RNASE1: variants seen among roughly 807,000 people sequenced by gnomAD.
RNASE1 encodes the protein ribonuclease pancreatic.
For missense variants in RNASE1, 203 were observed against 201.0 expected (o/e 1.01, Z -0.06); for synonymous variants, 64 against 78.6 (o/e 0.81, Z 0.98).
rs1168418189 is a variant in RNASE1, at chr14:20,801,236, A to G, written c.*362T>C. 1 of 229,570 alleles carries G rather than the reference A, an allele frequency of 4.4e-6. No individual in the cohort carries two copies. Among genetic ancestry groups the G allele is most frequent in the Non-Finnish European group, 8.7e-6 (1 of 115,146 alleles). 14.2% of individuals were successfully genotyped at this position (229,570 alleles called of 1,614,324 possible). A position where few individuals can be genotyped will look rare whatever the true frequency, so the allele number is the denominator to read the frequency against. ...TTCTCAAGCCACTAAAATCCAAGTCAGAAGGGAAGGCATTTAATTACTCCA... is the reference window on the plus strand; with the variant it reads ...TTCTCAAGCCACTAAAATCCAAGTCGGAAGGGAAGGCATTTAATTACTCCA... On this transcript the variant is annotated 3_prime_UTR_variant, in exon 2 of 2. Transcript: ENST00000397967.
At position 20,802,248 on chromosome 14, in the gene RNASE1, C is replaced by T. The variant is rs557807105; in HGVS notation, c.-25-155G>A. 27 of 583,340 alleles carry T rather than the reference C, an allele frequency of 4.6e-5. No homozygotes were observed. In the Admixed American group the frequency reaches 4.8e-4, roughly 10 times the overall value. The allele number at this position is 583,340 out of a possible 1,614,324, so 36.1% of individuals were successfully genotyped here. A position where few individuals can be genotyped will look rare whatever the true frequency, so the allele number is the denominator to read the frequency against. ...GGTTTTTCGTGTAATGAGACACTCA[C>T]GTGTACCCTTTTCCACGAGCGTTTT... On this transcript the variant is annotated intron_variant, in intron 1 of 1. Coordinates refer to ENST00000397967, the MANE Select transcript of RNASE1 (RefSeq NM_002933.5).
Position 20,801,686 on chromosome 14 carries a change from C to A in RNASE1, c.383G>T (p.Ser128Ile). 6.2e-7 allele frequency: 1 copy of A among 1,614,178 alleles called. No individual in the cohort carries two copies. Among genetic ancestry groups the A allele is most frequent in the African/African-American group, 1.3e-5 (1 of 75,030 alleles). The change falls in exon 2 of 2, where the codon AGC becomes ATC. Residue 128 changes from serine (S) to isoleucine (I), a missense_variant. Ser to Ile is a moderately radical substitution (Grantham distance 142). Coordinates refer to ENST00000397967, the MANE Select transcript of RNASE1 (RefSeq NM_002933.5). ...CACAATGATGTGTCTCTCCTTCGGG[C>A]TGGTCCGGTATGCACAGTTGGGGTA... The part of the protein sequence containing the change: ...SRYPNCAYRT[S>I]PKERHIIVAC...
chr14:20,801,382 G>A lies in RNASE1; in HGVS notation c.*216C>T. ...CAGGTGTTTGCAACTGCGTTTTATT[G>A]AAAGAAAGAGTGGAGGGGTTAACAT... On this transcript the variant is annotated 3_prime_UTR_variant, in exon 2 of 2. Transcript: ENST00000397967. The A allele has an allele frequency of 1.7e-6, 1 of 578,014 alleles. No individual in the cohort carries two copies. The highest frequency in any genetic ancestry group is 2.2e-5 in the South Asian group (1 of 44,834). 35.8% of individuals were successfully genotyped at this position (578,014 alleles called of 1,614,324 possible). A position where few individuals can be genotyped will look rare whatever the true frequency, so the allele number is the denominator to read the frequency against.
Position 20,801,917 on chromosome 14 carries a change from G to A in RNASE1, c.152C>T (p.Ser51Phe). The part of the protein sequence containing the change: ...MDSDSSPSSS[S>F]TYCNQMMRRR... ...CCTCATCATTTGGTTACAGTAGGTGGAGCTGCTGCTGGGGGAACTGTCTGA... is the reference window on the plus strand; with the variant it reads ...CCTCATCATTTGGTTACAGTAGGTGAAGCTGCTGCTGGGGGAACTGTCTGA... The change falls in exon 2 of 2, where the codon TCC (serine) becomes TTC (phenylalanine). Residue 51 changes from serine to phenylalanine, a missense_variant. Physicochemically the swap from Ser to Phe is radical, Grantham distance 155. Transcript: ENST00000397967. The A allele has an allele frequency of 1.2e-6, 2 of 1,613,984 alleles. No homozygotes were observed. Among genetic ancestry groups the A allele is most frequent in the Non-Finnish European group, 1.7e-6 (2 of 1,179,926 alleles).
chr14:20,802,264 C>A (rs1405031793), intron 1 of RNASE1, 171 bp from the exon 2 acceptor site: 9 of 557,274 alleles, frequency 1.6e-5, no homozygotes, highest in East Asian at 1.4e-4. Flanking sequence ...CCCTTTTCCA[C>A]GAGCGTTTTA....
rs1879427621 is a variant in RNASE1 at position 20,802,020 on chromosome 14, G to C, written c.49C>G (p.Leu17Val). 2.5e-6 allele frequency: 4 copies of C among 1,607,616 alleles called. No individual in the cohort carries two copies. The highest frequency in any genetic ancestry group is 3.4e-6 in the Non-Finnish European group (4 of 1,179,930). ...GGCTGGACCCAGCCCAGCACCAGCA[G>C]TATCAGGACAAGCAGAAGGAGCCGG... ...LVRLLLLVLI[L>V]LVLGWVQPSL... The change falls in exon 2 of 2, where the codon CTG (leucine) becomes GTG (valine). Residue 17 changes from leucine to valine, a missense_variant. Physicochemically the swap from Leu to Val is conservative, Grantham distance 32. Coordinates refer to ENST00000397967, the MANE Select transcript of RNASE1 (RefSeq NM_002933.5).
At chr14:20,802,117 G>GGA in intron 1 of RNASE1, 24 bp from the exon 2 acceptor site, 1 of 1,392,094 alleles carries the variant, frequency 7.2e-7, no homozygotes, top group Non-Finnish European at 9.6e-7. Context: ...GGAGAGAGAA[G>GGA]GAAAAGAGCC....
chr14:20,802,017 G>A lies in RNASE1; in HGVS notation c.52C>T (p.Leu18=). 6.2e-7 allele frequency: 1 copy of A among 1,608,080 alleles called. No homozygotes were observed. The highest frequency in any genetic ancestry group is 8.5e-7 in the Non-Finnish European group (1 of 1,179,926). ...GAAGGCTGGACCCAGCCCAGCACCA[G>A]CAGTATCAGGACAAGCAGAAGGAGC... is the stretch of plus-strand genomic sequence containing the variant. ...VRLLLLVLIL[L]VLGWVQPSLG... is the part of the protein sequence containing the mutation. Residue 18 remains leucine, a synonymous_variant, in exon 2 of 2, where the codon CTG becomes TTG. Coordinates refer to ENST00000397967, the MANE Select transcript of RNASE1 (RefSeq NM_002933.5).
At position 20,801,311 on chromosome 14, in the gene RNASE1, G is replaced by A; in HGVS notation, c.*287C>T. ...GATTTACAGTTCTTACCCCTTGCTG[G>A]AAGGCAATGCCAGAAACAGTACCTA... is the stretch of plus-strand genomic sequence containing the variant. On this transcript the variant is annotated 3_prime_UTR_variant, in exon 2 of 2. Transcript: ENST00000397967. 2.4e-6 allele frequency: 1 copy of A among 422,214 alleles called. No individual in the cohort carries two copies. Among genetic ancestry groups the A allele is most frequent in the South Asian group, 4.0e-5 (1 of 24,706 alleles). The allele number at this position is 422,214 out of a possible 1,614,324, so 26.2% of individuals were successfully genotyped here. A position where few individuals can be genotyped will look rare whatever the true frequency, so the allele number is the denominator to read the frequency against.
In RNASE1 at chr14:20,801,796, G is replaced by A. The variant is rs774447700; in HGVS notation, c.273C>T (p.Val91=). Residue 91 remains valine, a synonymous_variant, in exon 2 of 2, where the codon GTC becomes GTT. Coordinates refer to ENST00000397967, the MANE Select transcript of RNASE1 (RefSeq NM_002933.5). ...DVQNVCFQEK[V]TCKNGQGNCY... ...AGTTGCCCTGCCCGTTCTTGCAGGT[G>A]ACCTTTTCCTGGAAACAGACATTCT... is the stretch of plus-strand genomic sequence containing the variant. 1 of 1,614,186 alleles carries A rather than the reference G, an allele frequency of 6.2e-7. No homozygotes were observed. Among genetic ancestry groups the A allele is most frequent in the Admixed American group, 1.7e-5 (1 of 60,020 alleles).
rs1347656332 is a variant in RNASE1, at chr14:20,801,758, T to G, written c.311A>C (p.Asn104Thr). Residue 104 changes from asparagine to threonine, a missense_variant, in exon 2 of 2, where the codon AAC (asparagine) becomes ACC (threonine). By Grantham distance (65) the Asn-to-Thr change is moderately conservative. Coordinates refer to ENST00000397967, the MANE Select transcript of RNASE1 (RefSeq NM_002933.5). ...KNGQGNCYKS[N>T]SSMHITDCRL... The stretch of plus-strand genomic sequence containing the variant: ...GCAGTCTGTGATGTGCATGCTGGAG[T>G]TGCTCTTGTAGCAGTTGCCCTGCCC... 2 of 1,613,950 alleles carry G rather than the reference T, an allele frequency of 1.2e-6. No homozygotes were observed. The highest frequency in any genetic ancestry group is 1.7e-6 in the Non-Finnish European group (2 of 1,179,970).
chr14:20,801,364 T>G lies in RNASE1; in HGVS notation c.*234A>C. On this transcript the variant is annotated 3_prime_UTR_variant, in exon 2 of 2. Transcript: ENST00000397967. ...CAGAACCGCTTCAGAAATCAGGTGTTTGCAACTGCGTTTTATTGAAAGAAA... is the reference window on the plus strand; with the variant it reads ...CAGAACCGCTTCAGAAATCAGGTGTGTGCAACTGCGTTTTATTGAAAGAAA... The G allele has an allele frequency of 1.8e-6, 1 of 561,454 alleles. No homozygotes were observed. Among genetic ancestry groups the G allele is most frequent in the Non-Finnish European group, 3.2e-6 (1 of 313,782 alleles). 34.8% of individuals were successfully genotyped at this position (561,454 alleles called of 1,614,324 possible).
In RNASE1 at chr14:20,801,296, T is replaced by C. The variant is rs1443384051; in HGVS notation, c.*302A>G. On this transcript the variant is annotated 3_prime_UTR_variant, in exon 2 of 2. Coordinates refer to ENST00000397967, the MANE Select transcript of RNASE1 (RefSeq NM_002933.5). ...CTCCAAAGTGAATCAGATTTACAGT[T>C]CTTACCCCTTGCTGGAAGGCAATGC... 4 of 396,340 alleles carry C rather than the reference T, an allele frequency of 1.0e-5. No homozygotes were observed. Among genetic ancestry groups the C allele is most frequent in the African/African-American group, 2.0e-5 (1 of 50,484 alleles). 24.6% of individuals were successfully genotyped at this position (396,340 alleles called of 1,614,324 possible). A position where few individuals can be genotyped will look rare whatever the true frequency, so the allele number is the denominator to read the frequency against.
At position 20,801,470 on chromosome 14, in the gene RNASE1, G is replaced by A. The variant is rs137934838; in HGVS notation, c.*128C>T. On this transcript the variant is annotated 3_prime_UTR_variant, in exon 2 of 2. Coordinates refer to ENST00000397967, the MANE Select transcript of RNASE1 (RefSeq NM_002933.5). ...CACGCAGGGATGGGACTCAGGAAAG[G>A]GAAGCATGTGTGTGTTGAATAGGAG... The A allele has an allele frequency of 1.1e-4, 86 of 788,434 alleles. No homozygotes were observed. In the African/African-American group the frequency reaches 1.4e-3, roughly 13 times the overall value. 48.8% of individuals were successfully genotyped at this position (788,434 alleles called of 1,614,324 possible). A position where few individuals can be genotyped will look rare whatever the true frequency, so the allele number is the denominator to read the frequency against.
Position 20,802,041 on chromosome 14 carries a change from G to A in RNASE1, c.28C>T (p.Leu10Phe), listed in dbSNP as rs759121954. 1 of 1,603,190 alleles carries A rather than the reference G, an allele frequency of 6.2e-7. No homozygotes were observed. The highest frequency in any genetic ancestry group is 8.5e-7 in the Non-Finnish European group (1 of 1,179,562). Residue 10 changes from leucine to phenylalanine, a missense_variant, in exon 2 of 2, where the codon CTC becomes TTC. Transcript: ENST00000397967. MALEKSLVR[L>F]LLLVLILLVL... ...AGCAGTATCAGGACAAGCAGAAGGA[G>A]CCGGACAAGAGACTTCTCCAGAGCC... is the stretch of plus-strand genomic sequence containing the variant.
chr14:20,801,995 G>T lies in RNASE1; in HGVS notation c.74C>A (p.Pro25His), dbSNP rs768823499. The T allele has an allele frequency of 1.2e-6, 2 of 1,611,972 alleles. No individual in the cohort carries two copies. The highest frequency in any genetic ancestry group is 1.7e-6 in the Non-Finnish European group (2 of 1,179,986). Residue 25 changes from proline (P) to histidine (H), a missense_variant, in exon 2 of 2, where the codon CCT becomes CAT. By Grantham distance (77) the Pro-to-His change is moderately conservative (BLOSUM62 -2). Transcript: ENST00000397967. ...LILLVLGWVQ[P>H]SLGKESRAKK... is the part of the protein sequence containing the mutation. ...GGCCCGGGATTCCTTGCCCAGGGAAGGCTGGACCCAGCCCAGCACCAGCAG... is the reference window on the plus strand; with the variant it reads ...GGCCCGGGATTCCTTGCCCAGGGAATGCTGGACCCAGCCCAGCACCAGCAG...
rs1879395006 is a variant in RNASE1, at chr14:20,801,632, AC to A, written c.436del (p.Val146SerfsTer45). On this transcript the variant is annotated frameshift_variant, in exon 2 of 2. Coordinates refer to ENST00000397967, the MANE Select transcript of RNASE1 (RefSeq NM_002933.5). LOFTEE classifies it high-confidence loss of function. The stretch of plus-strand genomic sequence containing the variant: ...GTCCTCCACAGAAGCATCAAAGTGG[AC>A]TGGCACATATGGGCTCCCTTCACAG... ...VACEGSPYVPVHFDASVEDST is the reference protein window; with the variant it reads ...VACEGSPYVPXHFDASVEDST 3 of 1,614,050 alleles carry A rather than the reference AC, an allele frequency of 1.9e-6. No homozygotes were observed. Among genetic ancestry groups the A allele is most frequent in the East Asian group, 4.5e-5 (2 of 44,870 alleles).
In RNASE1 at chr14:20,801,448, G is replaced by A. The variant is rs1879380884; in HGVS notation, c.*150C>T. On this transcript the variant is annotated 3_prime_UTR_variant, in exon 2 of 2. Transcript: ENST00000397967. ...ACCCACTCTTCACCCCCAAAATCACGCAGGGATGGGACTCAGGAAAGGGAA... is the reference window on the plus strand; with the variant it reads ...ACCCACTCTTCACCCCCAAAATCACACAGGGATGGGACTCAGGAAAGGGAA... 5 of 678,270 alleles carry A rather than the reference G, an allele frequency of 7.4e-6. No homozygotes were observed. Among genetic ancestry groups the A allele is most frequent in the East Asian group, 5.4e-5 (2 of 36,726 alleles). The allele number at this position is 678,270 out of a possible 1,614,324, so 42.0% of individuals were successfully genotyped here. A position where few individuals can be genotyped will look rare whatever the true frequency, so the allele number is the denominator to read the frequency against.
At position 20,801,409 on chromosome 14, in the gene RNASE1, G is replaced by C; in HGVS notation, c.*189C>G. Reference sequence around the variant, plus strand: ...AAGAAAGAGTGGAGGGGTTAACATGGGGCCCACCTCACAACCCACTCTTCA... The same window carrying C: ...AAGAAAGAGTGGAGGGGTTAACATGCGGCCCACCTCACAACCCACTCTTCA... On this transcript the variant is annotated 3_prime_UTR_variant, in exon 2 of 2. Coordinates refer to ENST00000397967, the MANE Select transcript of RNASE1 (RefSeq NM_002933.5). The C allele has an allele frequency of 1.7e-6, 1 of 601,344 alleles. No homozygotes were observed. The highest frequency in any genetic ancestry group is 3.0e-6 in the Non-Finnish European group (1 of 337,588). The allele number at this position is 601,344 out of a possible 1,614,324, so 37.3% of individuals were successfully genotyped here.
Sources: allele counts gnomAD v4.1 joint callset, GRCh38; gene constraint gnomAD v4.1.1; transcripts MANE v1.5; gene names NCBI Gene and HGNC (gene_info 2026-07-23, HGNC 2026-07-21).